CORO7: variants seen among roughly 807,000 people sequenced by gnomAD.
CORO7 encodes coronin 7.
A neutral mutation model predicts 126.6 loss-of-function variants in CORO7; 107 were observed. The ratio of observed to expected loss-of-function variants is 0.85; its 90% confidence interval spans 0.72 to 0.99. The LOEUF is 0.99. CORO7 is among the 50% of genes least tolerant of loss of function. CORO7 has a pLI of 0.00. For missense variants in CORO7, 1,314 were observed against 1,255.8 expected (o/e 1.05, Z -0.70); for synonymous variants, 603 against 536.8 (o/e 1.12, Z -1.70).
At chr16:4,407,267 A>G (rs2056034772) in intron 5 of CORO7, among the ~76,000 whole-genome samples, 1 of 150,814 alleles carries the variant, frequency 6.6e-6, no homozygotes. Flanking sequence ...TTAAATGGAG[A>G]AAAACAACAG....
chr16:4,357,298 C>T (rs1223894603), intron 25 of CORO7, 39 bp from the exon 26 acceptor site: 11 of 1,548,870 alleles, frequency 7.1e-6, no homozygotes, highest in Non-Finnish European at 9.6e-6. Flanking sequence ...GAGTCCCCTT[C>T]GTTAGGGCTC....
At chr16:4,395,401 C>A (rs372977565) in intron 6 of CORO7, 62 bp from the exon 7 acceptor site, 3 of 1,607,028 alleles carry the variant, frequency 1.9e-6, no homozygotes, top group African/African-American at 1.3e-5. Flanking sequence ...TGGAAGCCAG[C>A]CTGCTCCCCT....
At position 4,378,095 on chromosome 16, in the gene CORO7, C is replaced by A. The variant is rs118148996; in HGVS notation, c.785+9891G>T. Among the ~76,000 whole-genome samples, 435 of 152,306 alleles carry A rather than the reference C, an allele frequency of 2.9e-3. 1 individual carries two copies. Among genetic ancestry groups the A allele is most frequent in the Non-Finnish European group, 4.0e-3 (275 of 68,022 alleles). On this transcript the variant is annotated intron_variant, in intron 9 of 27. Coordinates refer to ENST00000251166, the MANE Select transcript of CORO7 (RefSeq NM_024535.5). The stretch of plus-strand genomic sequence containing the variant: ...CCCAGTGCAGGGTGAAGAGCACCCC[C>A]CAGCACGTGCCCCTAAGAGCTGGCC...
intron 6 of CORO7, among the ~76,000 whole-genome samples, chr16:4,404,506 C>T (rs559386746): frequency 6.6e-6 from 1 of 152,168 alleles, no homozygotes; most frequent in Non-Finnish European, 1.5e-5. Context: ...CACCTGCAGC[C>T]GGATTCTGCT....
chr16:4,381,969 G>A, intron 9 of CORO7: 1 of 1,608,238 alleles, frequency 6.2e-7, no homozygotes, highest in South Asian at 1.1e-5. Flanking sequence ...CGAGGCCCGT[G>A]GTGCGGGAGC....
chr16:4,406,231 C>T (rs2055993109), intron 5 of CORO7, among the ~76,000 whole-genome samples: 1 of 152,194 alleles, frequency 6.6e-6, no homozygotes, highest in Admixed American at 6.5e-5. Context: ...AACTCCTAAC[C>T]TCAAGTGATC....
rs1474447674 is a variant in CORO7 at position 4,361,236 on chromosome 16, G to T, written c.1700C>A (p.Ala567Asp). ...GGGTACCCGCCACAGTCGGATCCTG[G>T]CGTCCTCACCAGCTGCAGAGGACAG... ...PHRLAVAGED[A>D]RIRLWRVPAE... The change falls in exon 18 of 28, where the codon GCC becomes GAC. Residue 567 changes from alanine (A) to aspartate (D), a missense_variant. Physicochemically the swap from Ala to Asp is moderately radical, Grantham distance 126. Coordinates refer to ENST00000251166, the MANE Select transcript of CORO7 (RefSeq NM_024535.5). The T allele has an allele frequency of 6.8e-6, 11 of 1,612,678 alleles. No individual in the cohort carries two copies. In the East Asian group the frequency reaches 2.5e-4, roughly 36 times the overall value.
chr16:4,360,969 G>C lies in CORO7; in HGVS notation c.1891C>G (p.Leu631Val), dbSNP rs1230666486. The change falls in exon 19 of 28, where the codon CTG (leucine) becomes GTG (valine). Residue 631 changes from leucine to valine, a missense_variant. Physicochemically the swap from Leu to Val is conservative, Grantham distance 32 (BLOSUM62 1). Transcript: ENST00000251166. ...IWDLQAGADR[L>V]KLQGHQDQIF... ...TGGTCTTGGTGGCCCTGCAGCTTCAGCCGATCAGCTCCAGCCTGAAGGTCC... is the reference window on the plus strand; with the variant it reads ...TGGTCTTGGTGGCCCTGCAGCTTCACCCGATCAGCTCCAGCCTGAAGGTCC... The C allele has an allele frequency of 1.2e-5, 20 of 1,612,178 alleles. No individual in the cohort carries two copies. Among genetic ancestry groups the C allele is most frequent in the Non-Finnish European group, 1.6e-5 (19 of 1,180,020 alleles).
At chr16:4,392,795 G>A (rs1466852190) in intron 7 of CORO7, among the ~76,000 whole-genome samples, 2 of 152,194 alleles carry the variant, frequency 1.3e-5, no homozygotes, top group Non-Finnish European at 2.9e-5. Flanking sequence ...GGCGGAAGTG[G>A]GGGGCAGGGC....
chr16:4,370,235 A>G (rs1034075320), intron 9 of CORO7, among the ~76,000 whole-genome samples: 2 of 152,218 alleles, frequency 1.3e-5, no homozygotes, highest in Non-Finnish European at 1.5e-5. Flanking sequence ...AGGCAGGGAA[A>G]CAGTCCGACA....
chr16:4,357,444 G>A (rs533306417), intron 25 of CORO7, 185 bp from the exon 26 acceptor site: 9 of 582,350 alleles, frequency 1.5e-5, no homozygotes, highest in African/African-American at 8.2e-5. Context: ...TGCAACCTCC[G>A]CCTCCTCTGG....
In CORO7 at chr16:4,399,396, A is replaced by G. The variant is rs138274979; in HGVS notation, c.565-4057T>C. 3.0e-3 allele frequency among the ~76,000 whole-genome samples: 455 copies of G among 152,348 alleles called. 1 individual carries two copies. Among genetic ancestry groups the G allele is most frequent in the Middle Eastern group, 6.8e-3 (2 of 294 alleles). On this transcript the variant is annotated intron_variant, in intron 6 of 27. Coordinates refer to ENST00000251166, the MANE Select transcript of CORO7 (RefSeq NM_024535.5). The stretch of plus-strand genomic sequence containing the variant: ...AGTCAGCCCCAAAAGAGCAAATAGT[A>G]TATGATTCCACTTATGTGGGGCATC...
At chr16:4,393,561 G>A (rs2055473119) in intron 7 of CORO7, among the ~76,000 whole-genome samples, 1 of 152,202 alleles carries the variant, frequency 6.6e-6, no homozygotes, top group African/African-American at 2.4e-5. Flanking sequence ...CCATGTGACT[G>A]GGTTTCTCTC....
chr16:4,359,530 G>A lies in CORO7; in HGVS notation c.2200C>T (p.Leu734=). Residue 734 remains leucine (L), a synonymous_variant, in exon 22 of 28, where the codon CTG becomes TTG. Transcript: ENST00000251166. ...VLGLDVAPST[L]LPSYDPDTGL... is the part of the protein sequence containing the mutation. ...GTGTCTGGGTCGTAGCTGGGCAGCA[G>A]GGTTGAGGGAGCCACGTCCAGGCCC... 6.2e-7 allele frequency: 1 copy of A among 1,613,410 alleles called. No homozygotes were observed. Among genetic ancestry groups the A allele is most frequent in the Non-Finnish European group, 8.5e-7 (1 of 1,179,938 alleles).
At position 4,365,466 on chromosome 16, in the gene CORO7, G is replaced by C. The variant is rs202114988; in HGVS notation, c.840+25C>G. The C allele has an allele frequency of 6.6e-5, 102 of 1,556,678 alleles. No homozygotes were observed. In the East Asian group the frequency reaches 2.2e-3, roughly 33 times the overall value. On this transcript the variant is annotated intron_variant, in intron 10 of 27. Transcript: ENST00000251166. The stretch of plus-strand genomic sequence containing the variant: ...GCTGGACTCCAGGCTGTGGATGTGG[G>C]TGGGAGCCCCAGCTTCTCACTCACC...
intron 9 of CORO7, among the ~76,000 whole-genome samples, chr16:4,375,440 G>C (rs139815344): frequency 6.6e-6 from 1 of 152,218 alleles, no homozygotes; most frequent in Non-Finnish European, 1.5e-5. Flanking sequence ...CGGAGGACTC[G>C]CTCAAGGAGC....
chr16:4,416,313 G>T, intron 1 of CORO7, 146 bp downstream of exon 1: 1 of 1,190,370 alleles, frequency 8.4e-7, no homozygotes. Context: ...GGACGCCGGG[G>T]CCCTGGCCTG....
In CORO7 at chr16:4,362,504, G is replaced by A. The variant is rs2054212672; in HGVS notation, c.1402+108C>T. ...GCCAGTGAGTCTGGGTGAGGGGGGT[G>A]CCCTGCATGAGGCCTGTGCTCAGCA... On this transcript the variant is annotated intron_variant, in intron 15 of 27. Transcript: ENST00000251166. This position sits in a 1 kb window ranked among gnomAD's most constrained non-coding sequence, Gnocchi z 5.3. 3 of 1,441,624 alleles carry A rather than the reference G, an allele frequency of 2.1e-6. No homozygotes were observed. Among genetic ancestry groups the A allele is most frequent in the East Asian group, 2.5e-5 (1 of 40,200 alleles). 89.3% of individuals were successfully genotyped at this position (1,441,624 alleles called of 1,614,324 possible). A position where few individuals can be genotyped will look rare whatever the true frequency, so the allele number is the denominator to read the frequency against.
intron 7 of CORO7, among the ~76,000 whole-genome samples, chr16:4,391,916 A>G (rs557210012): frequency 1.3e-5 from 2 of 152,284 alleles, no homozygotes; most frequent in East Asian, 3.9e-4. Flanking sequence ...TCAGCCCCGC[A>G]GGGGGTGCAG....
Sources: gnomAD v4.1 joint callset for allele counts (sites outside exome capture counted in the v4.1 genomes callset) on GRCh38, gnomAD v4.1.1 for gene constraint, Gnocchi (gnomAD v3.1) non-coding constraint, MANE v1.5 for transcripts, NCBI Gene and HGNC (gene_info 2026-07-23, HGNC 2026-07-21) for gene names.